CPA6: variants seen among roughly 807,000 people sequenced by gnomAD.
The protein encoded by CPA6 is carboxypeptidase B.
CPA6 carries 58 observed loss-of-function variants against 63.3 expected under a neutral mutation model. The ratio of observed to expected loss-of-function variants is 0.92; its 90% CI spans 0.74 to 1.14. The LOEUF is 1.14. Among genes scored for constraint, CPA6 ranks in the 50% most tolerant of loss-of-function variants. CPA6 has a pLI of 0.00. For missense variants in CPA6, 565 were observed against 526.6 expected, an observed-to-expected ratio of 1.07 and a Z score of -0.71; for synonymous variants, 185 against 179.0, an observed-to-expected ratio of 1.03 and a Z score of -0.27.
At chr8:67,574,940 G>A (rs1295451951) in intron 2 of CPA6, among the ~76,000 whole-genome samples, 3 of 151,772 alleles carry the variant, frequency 2.0e-5, no homozygotes, top group African/African-American at 7.3e-5. Flanking sequence ...AATTAAGAGA[G>A]GGAGGACACA....
chr8:67,667,045 G>A (rs927531728), intron 1 of CPA6, among the ~76,000 whole-genome samples: 1 of 152,050 alleles, frequency 6.6e-6, no homozygotes, highest in Non-Finnish European at 1.5e-5. Flanking sequence ...GTAGAACCTG[G>A]CCCACAGATG....
At chr8:67,529,434 C>G (rs536137441) in intron 2 of CPA6, among the ~76,000 whole-genome samples, 97 of 152,284 alleles carry the variant, frequency 6.4e-4, no homozygotes, top group African/African-American at 2.1e-3. Flanking sequence ...ATCAGTACCA[C>G]TGAGGAGTAT....
intron 6 of CPA6, among the ~76,000 whole-genome samples, chr8:67,489,224 C>T (rs1811553403): frequency 6.6e-6 from 1 of 152,068 alleles, no homozygotes; most frequent in South Asian, 2.1e-4. Context: ...GGATTACAGG[C>T]ATGAGCTACC....
At chr8:67,650,094 G>T (rs1026770801) in intron 1 of CPA6, among the ~76,000 whole-genome samples, 1 of 152,044 alleles carries the variant, frequency 6.6e-6, no homozygotes, top group Non-Finnish European at 1.5e-5. Context: ...GCTGTATGTG[G>T]TTTAGGGCTT....
intron 8 of CPA6, among the ~76,000 whole-genome samples, chr8:67,467,344 G>A (rs1201078802): frequency 2.0e-5 from 3 of 152,052 alleles, no homozygotes; most frequent in African/African-American, 7.2e-5. Context: ...TAATACTCCA[G>A]ATCTATATAT....
At chr8:67,465,031 T>C (rs1255496274) in intron 8 of CPA6, among the ~76,000 whole-genome samples, 5 of 152,208 alleles carry the variant, frequency 3.3e-5, no homozygotes, top group African/African-American at 1.2e-4. Context: ...AATAGTTTTT[T>C]CTAAATCTGT....
rs186913128 is a variant in CPA6 at position 67,527,553 on chromosome 8, C to G, written c.193-9506G>C. On this transcript the variant is annotated intron_variant, in intron 2 of 10. Coordinates refer to ENST00000297770, the MANE Select transcript of CPA6 (RefSeq NM_020361.5). ...AACTGAACTACCTGATTCCCATGTA[C>G]TCCTTAAACTCTATAATCATGCTAG... Among the ~76,000 whole-genome samples the G allele has an allele frequency of 7.9e-5, 12 of 152,280 alleles. No homozygotes were observed. In the East Asian group the frequency reaches 2.3e-3, roughly 29 times the overall value.
At chr8:67,736,438 T>C (rs527412352) in intron 1 of CPA6, among the ~76,000 whole-genome samples, 37 of 152,306 alleles carry the variant, frequency 2.4e-4, no homozygotes, top group Admixed American at 1.4e-3. Flanking sequence ...AAAGCACCTT[T>C]GATGATATCA....
chr8:67,496,992 A>G (rs546279256), intron 6 of CPA6, among the ~76,000 whole-genome samples: 129 of 152,278 alleles, frequency 8.5e-4, no homozygotes, highest in Non-Finnish European at 1.4e-3. Flanking sequence ...GGGGCATTGC[A>G]TATGTATGGA....
intron 1 of CPA6, among the ~76,000 whole-genome samples, chr8:67,737,983 G>A (rs2623838): frequency 0.64 from 97,807 of 152,064 alleles, 34,503 homozygotes; most frequent in Non-Finnish European, 0.77. Flanking sequence ...TGTCCCTTCC[G>A]GTCCCGACAT....
intron 4 of CPA6, among the ~76,000 whole-genome samples, chr8:67,510,401 GAT>G (rs1019892903): frequency 2.3e-5 from 3 of 128,058 alleles, no homozygotes; most frequent in Non-Finnish European, 3.2e-5. Context: ...TAATGAGCAG[GAT>G]ATATGTGTGT....
At chr8:67,483,630 C>A in intron 8 of CPA6, 138 bp downstream of exon 8, 1 of 765,066 alleles carries the variant, frequency 1.3e-6, no homozygotes, top group Non-Finnish European at 2.4e-6. Context: ...CTATCATGTA[C>A]GTATCTGTAC....
chr8:67,445,478 A>T (rs990189231), intron 8 of CPA6, among the ~76,000 whole-genome samples: 9 of 152,126 alleles, frequency 5.9e-5, no homozygotes, highest in African/African-American at 2.2e-4. Flanking sequence ...TTTAGTTTAT[A>T]TATGTGTCTC....
At chr8:67,690,605 A>G (rs1816795784) in intron 1 of CPA6, among the ~76,000 whole-genome samples, 1 of 152,198 alleles carries the variant, frequency 6.6e-6, no homozygotes. Context: ...AACTCTGAAA[A>G]GCAATATAAA....
chr8:67,511,695 G>T lies in CPA6; in HGVS notation c.318-40C>A, dbSNP rs779124873. ...ACAGACATGATGAAAAGTAAATTGA[G>T]ATATTGCAAAAATCAGGCAACACCC... On this transcript the variant is annotated intron_variant, in intron 3 of 10. Coordinates refer to ENST00000297770, the MANE Select transcript of CPA6 (RefSeq NM_020361.5). The T allele has an allele frequency of 4.1e-6, 5 of 1,208,978 alleles. No individual in the cohort carries two copies. The Admixed American group carries it at 8.6e-5, about 21-fold the overall frequency. 74.9% of individuals were successfully genotyped at this position (1,208,978 alleles called of 1,614,324 possible).
chr8:67,633,538 G>A (rs931129861), intron 1 of CPA6, among the ~76,000 whole-genome samples: 8 of 152,058 alleles, frequency 5.3e-5, no homozygotes, highest in East Asian at 1.9e-4. Context: ...AAAATTAGCC[G>A]GGCGTGGTGG....
chr8:67,471,130 A>G (rs957316415), intron 8 of CPA6, among the ~76,000 whole-genome samples: 7 of 151,654 alleles, frequency 4.6e-5, no homozygotes, highest in African/African-American at 1.7e-4. Context: ...CTAGCCAGAC[A>G]CTCTCCTGGC....
At chr8:67,645,726 A>G (rs145120178) in intron 1 of CPA6, among the ~76,000 whole-genome samples, 2 of 152,362 alleles carry the variant, frequency 1.3e-5, no homozygotes, top group East Asian at 3.9e-4. Flanking sequence ...GTGTTGGAAC[A>G]AATATAATGA....
At chr8:67,596,395 A>T (rs1814335926) in intron 2 of CPA6, among the ~76,000 whole-genome samples, 1 of 152,228 alleles carries the variant, frequency 6.6e-6, no homozygotes, top group Non-Finnish European at 1.5e-5. Context: ...CTGAGAAATT[A>T]GCTGTTAAGC....
Sources: allele counts gnomAD v4.1 joint callset (sites outside exome capture counted in the v4.1 genomes callset), GRCh38; gene constraint gnomAD v4.1.1; transcripts MANE v1.5; gene names NCBI Gene and HGNC (gene_info 2026-07-23, HGNC 2026-07-21).